The following ZBTB20 variants were observed in gnomAD, a reference collection of about 807,000 sequenced individuals.
The protein encoded by ZBTB20 is zinc finger and BTB domain containing 20.
In ZBTB20, 9 loss-of-function variants were observed where a neutral mutation model predicts 56.9. The ratio of observed to expected loss-of-function variants is 0.16; its 90% CI spans 0.10 to 0.28. The LOEUF (loss-of-function observed/expected upper bound fraction) is 0.28. ZBTB20 is among the 10% of genes least tolerant of loss of function. The pLI is 1.00. For synonymous variants in ZBTB20, 417 were observed against 420.7 expected, an observed-to-expected ratio of 0.99 and a Z score of 0.11; for missense variants, 655 against 1,003.0, an observed-to-expected ratio of 0.65 and a Z score of 4.69.
rs748917483 is a variant in ZBTB20, at chr3:114,350,629, G to T, written c.1449C>A (p.Leu483=). The change falls in exon 11 of 12, where the codon CTC becomes CTA. Residue 483 remains leucine, a synonymous_variant. Coordinates refer to ENST00000675478, the MANE Select transcript of ZBTB20 (RefSeq NM_001348800.3). ...TQLYLRQTET[L]TSNLRMPLTL... is the part of the protein sequence containing the mutation. The stretch of plus-strand genomic sequence containing the variant: ...TCAGAGGCATCCTCAGGTTGCTGGT[G>T]AGGGTTTCTGTCTGGCGTAAGTAGA... 6.2e-7 allele frequency: 1 copy of T among 1,614,104 alleles called. No homozygotes were observed. The highest frequency in any genetic ancestry group is 8.5e-7 in the Non-Finnish European group (1 of 1,180,052).
intron 6 of ZBTB20, among the ~76,000 whole-genome samples, chr3:114,620,779 A>C (rs962957823): frequency 6.6e-6 from 1 of 152,220 alleles, no homozygotes; most frequent in African/African-American, 2.4e-5. Context: ...CATATATAGA[A>C]AAAACTTCAA....
rs533409005 is a variant in ZBTB20, at chr3:114,523,989, C to G, written c.-294-23598G>C. On this transcript the variant is annotated intron_variant, in intron 6 of 11. Transcript: ENST00000675478. ...TCTCCAGCCACATTCAGCTGGCACA[C>G]AGGCATGAAATAGATGGCGAGTTGC... is the stretch of plus-strand genomic sequence containing the variant. Among the ~76,000 whole-genome samples the G allele has an allele frequency of 3.3e-5, 5 of 152,268 alleles. No homozygotes were observed. The South Asian group carries it at 1.0e-3, about 32-fold the overall frequency.
chr3:114,347,945 C>T (rs1435328786), intron 11 of ZBTB20, among the ~76,000 whole-genome samples: 1 of 152,172 alleles, frequency 6.6e-6, no homozygotes, highest in Non-Finnish European at 1.5e-5. Flanking sequence ...AATGACTCTA[C>T]CTATAGCTTT....
At chr3:114,960,724 T>C (rs1453469330) in intron 3 of ZBTB20, among the ~76,000 whole-genome samples, 1 of 152,122 alleles carries the variant, frequency 6.6e-6, no homozygotes, top group African/African-American at 2.4e-5. Flanking sequence ...ACAAAGATAT[T>C]CAAAATTCTA....
intron 5 of ZBTB20, among the ~76,000 whole-genome samples, chr3:114,756,088 G>C (rs1418399970): frequency 6.6e-6 from 1 of 151,828 alleles, no homozygotes; most frequent in African/African-American, 2.4e-5. Context: ...CTGCAATCAT[G>C]TATTTATGTT....
chr3:114,827,244 C>T (rs929881602), intron 4 of ZBTB20, among the ~76,000 whole-genome samples: 10 of 151,816 alleles, frequency 6.6e-5, no homozygotes, highest in Middle Eastern at 3.4e-3. Flanking sequence ...AGACTTTTTA[C>T]TCCTCCTGTA....
intron 7 of ZBTB20, among the ~76,000 whole-genome samples, chr3:114,495,223 T>C (rs1220775408): frequency 1.3e-5 from 2 of 152,236 alleles, no homozygotes; most frequent in Non-Finnish European, 2.9e-5. Flanking sequence ...GCTTTAACTA[T>C]CCAATAAAAA....
intron 2 of ZBTB20, among the ~76,000 whole-genome samples, chr3:114,990,189 A>G (rs1019197109): frequency 3.3e-5 from 5 of 152,164 alleles, no homozygotes; most frequent in African/African-American, 1.2e-4. Context: ...CCCGTTTTCA[A>G]AGGGAATGCT....
chr3:114,869,954 A>G (rs986193636), intron 4 of ZBTB20, among the ~76,000 whole-genome samples: 4 of 152,202 alleles, frequency 2.6e-5, no homozygotes. Flanking sequence ...AAAGTGTGTA[A>G]TTACTGTCAC....
At chr3:114,650,809 A>T (rs905840291) in intron 6 of ZBTB20, among the ~76,000 whole-genome samples, 6 of 151,966 alleles carry the variant, frequency 3.9e-5, no homozygotes, top group Non-Finnish European at 7.4e-5. Context: ...AAAATAAGAA[A>T]ATTGGTACAT....
intron 2 of ZBTB20, among the ~76,000 whole-genome samples, chr3:115,069,815 G>T (rs1240045993): frequency 6.6e-6 from 1 of 150,432 alleles, no homozygotes; most frequent in Non-Finnish European, 1.5e-5. Context: ...ACCAAGCATT[G>T]CTCTATGTAC....
rs548881907 is a variant in ZBTB20, at chr3:114,577,978, G to A, written c.-294-77587C>T. On this transcript the variant is annotated intron_variant, in intron 6 of 11. Coordinates refer to ENST00000675478, the MANE Select transcript of ZBTB20 (RefSeq NM_001348800.3). ...AGTAATGGTAAGAAAATCAATAATT[G>A]TAACATTCACTCCAGATAAATTTGA... 2.6e-5 allele frequency among the ~76,000 whole-genome samples: 4 copies of A among 152,190 alleles called. No homozygotes were observed. The East Asian group carries it at 7.7e-4, about 29-fold the overall frequency.
At chr3:114,580,344 G>A (rs2107474967) in intron 6 of ZBTB20, among the ~76,000 whole-genome samples, 1 of 151,612 alleles carries the variant, frequency 6.6e-6, no homozygotes, top group East Asian at 1.9e-4. Context: ...AATAGTTTAG[G>A]AACATATTAA....
intron 3 of ZBTB20, among the ~76,000 whole-genome samples, chr3:114,916,380 C>T (rs1325795964): frequency 6.6e-6 from 1 of 151,978 alleles, no homozygotes; most frequent in Non-Finnish European, 1.5e-5. Context: ...AAGTATACTT[C>T]CAAATATGAT....
intron 2 of ZBTB20, among the ~76,000 whole-genome samples, chr3:114,989,214 C>A (rs1279824391): frequency 6.6e-6 from 1 of 152,116 alleles, no homozygotes; most frequent in Non-Finnish European, 1.5e-5. Context: ...AGGTTTTCTT[C>A]TAGGATTTTT....
intron 2 of ZBTB20, among the ~76,000 whole-genome samples, chr3:115,068,238 C>T (rs1375094020): frequency 6.6e-6 from 1 of 151,492 alleles, no homozygotes; most frequent in Non-Finnish European, 1.5e-5. Flanking sequence ...ATAAAGGCTG[C>T]GATTTTCTGG....
chr3:114,399,178 T>C (rs2086597390), intron 7 of ZBTB20, among the ~76,000 whole-genome samples: 1 of 152,174 alleles, frequency 6.6e-6, no homozygotes, highest in Non-Finnish European at 1.5e-5. Context: ...AGTTTTATTA[T>C]GTGAGAGAGA....
intron 4 of ZBTB20, among the ~76,000 whole-genome samples, chr3:114,815,497 C>T (rs1311911471): frequency 1.3e-5 from 2 of 152,176 alleles, no homozygotes; most frequent in African/African-American, 4.8e-5. Flanking sequence ...CTGCACACAA[C>T]GAGTAGCCTC....
At chr3:114,366,488 T>G (rs183359588) in intron 10 of ZBTB20, among the ~76,000 whole-genome samples, 1 of 152,352 alleles carries the variant, frequency 6.6e-6, no homozygotes, top group Non-Finnish European at 1.5e-5. Flanking sequence ...GTCTTTGGAT[T>G]TTGTTGATTA....
Sources: allele counts gnomAD v4.1 joint callset (sites outside exome capture counted in the v4.1 genomes callset), GRCh38; gene constraint gnomAD v4.1.1; transcripts MANE v1.5; gene names NCBI Gene and HGNC (gene_info 2026-07-23, HGNC 2026-07-21).